The following HLCS variants were observed in gnomAD, a reference collection of about 807,000 sequenced individuals.
HLCS encodes the protein holocarboxylase synthetase, also known as biotin--protein ligase.
In HLCS, 53 loss-of-function variants were observed where a neutral mutation model predicts 75.0. The observed-to-expected ratio is 0.71, with a 90% CI of 0.57 to 0.89. The LOEUF (loss-of-function observed/expected upper bound fraction) is 0.89. HLCS is among the 40% of genes least tolerant of loss of function. The pLI is 0.00. For synonymous variants in HLCS, 431 were observed against 428.6 expected (o/e 1.01, Z -0.07); for missense variants, 966 against 1,074.0 (o/e 0.90, Z 1.41).
intron 3 of HLCS, among the ~76,000 whole-genome samples, 200 bp downstream of exon 3, chr21:36,938,632 G>A (rs570586123): frequency 3.9e-5 from 6 of 152,154 alleles, no homozygotes; most frequent in South Asian, 2.1e-4. Context: ...CCAAGTAGCC[G>A]GGACCACAGG....
intron 6 of HLCS, among the ~76,000 whole-genome samples, chr21:36,860,508 G>A (rs2063349939): frequency 6.6e-6 from 1 of 152,140 alleles, no homozygotes; most frequent in African/African-American, 2.4e-5. Context: ...ATTTGGAGAT[G>A]TTCAAATTTT....
intron 6 of HLCS, among the ~76,000 whole-genome samples, chr21:36,884,514 A>C (rs1447573627): frequency 6.6e-6 from 1 of 152,184 alleles, no homozygotes; most frequent in African/African-American, 2.4e-5. Context: ...ACTCCTTTAC[A>C]ATCTAAAGAC....
At chr21:36,829,524 T>C (rs932796974) in intron 6 of HLCS, among the ~76,000 whole-genome samples, 1 of 152,222 alleles carries the variant, frequency 6.6e-6, no homozygotes, top group Non-Finnish European at 1.5e-5. Flanking sequence ...AATATTGTCA[T>C]ATTACTAGAT....
Position 36,937,039 on chromosome 21 carries a change from T to A in HLCS, c.847A>T (p.Ser283Cys). 1 of 1,614,096 alleles carries A rather than the reference T, an allele frequency of 6.2e-7. No individual in the cohort carries two copies. Among genetic ancestry groups the A allele is most frequent in the Non-Finnish European group, 8.5e-7 (1 of 1,180,010 alleles). Residue 283 changes from serine (S) to cysteine (C), a missense_variant, in exon 4 of 11, where the codon AGC becomes TGC. Coordinates refer to ENST00000674895, the MANE Select transcript of HLCS (RefSeq NM_001352514.2). ...TCAGCAACACTCTCCAAACTGCTGC[T>A]ATAATCGTAGGGAAGGTCTGGAATG... ...ENIPDLPYDY[S>C]SSLESVADET... is the part of the protein sequence containing the mutation.
chr21:36,891,908 T>C (rs2064802189), intron 6 of HLCS, among the ~76,000 whole-genome samples: 1 of 152,096 alleles, frequency 6.6e-6, no homozygotes, highest in Non-Finnish European at 1.5e-5. Flanking sequence ...GCCAAAGATA[T>C]GATTAAGGGC....
At chr21:36,865,184 G>T (rs17228899) in intron 6 of HLCS, among the ~76,000 whole-genome samples, 23,175 of 151,780 alleles carry the variant, frequency 0.15, 1,911 homozygotes, top group Non-Finnish European at 0.18. Flanking sequence ...CTGCTCGGGC[G>T]GATCAATCTC....
intron 4 of HLCS, among the ~76,000 whole-genome samples, chr21:36,931,836 T>C (rs1361989907): frequency 6.6e-6 from 1 of 152,208 alleles, no homozygotes; most frequent in African/African-American, 2.4e-5. Context: ...CATTTTGTTA[T>C]GATGTTGATG....
intron 6 of HLCS, among the ~76,000 whole-genome samples, chr21:36,782,796 C>T (rs949580893): frequency 2.0e-5 from 3 of 151,978 alleles, no homozygotes; most frequent in African/African-American, 7.3e-5. Flanking sequence ...TAGTGAAACC[C>T]CATCTCTACT....
chr21:36,959,617 T>C (rs1409817935), intron 2 of HLCS, among the ~76,000 whole-genome samples: 1 of 152,164 alleles, frequency 6.6e-6, no homozygotes, highest in African/African-American at 2.4e-5. Flanking sequence ...GGCCCGCCCA[T>C]GGCTGCCCAT....
intron 5 of HLCS, among the ~76,000 whole-genome samples, chr21:36,921,574 G>A (rs991075921): frequency 5.3e-5 from 8 of 152,194 alleles, no homozygotes; most frequent in African/African-American, 1.9e-4. Flanking sequence ...AAAGCCTCAT[G>A]GTGGGTGAAA....
intron 6 of HLCS, among the ~76,000 whole-genome samples, chr21:36,773,622 C>T (rs1389970774): frequency 6.6e-6 from 1 of 152,198 alleles, no homozygotes; most frequent in African/African-American, 2.4e-5. Context: ...TCTTTACCCC[C>T]CAGTTTTCTC....
chr21:36,775,042 G>A (rs2060314307), intron 6 of HLCS, among the ~76,000 whole-genome samples: 1 of 151,986 alleles, frequency 6.6e-6, no homozygotes, highest in Admixed American at 6.6e-5. Context: ...TCAGTAGGAG[G>A]CAACACGGGA....
At chr21:36,788,360 C>T (rs1175454161) in intron 6 of HLCS, among the ~76,000 whole-genome samples, 2 of 152,206 alleles carry the variant, frequency 1.3e-5, no homozygotes, top group South Asian at 2.1e-4. Context: ...TGGTGGGGAC[C>T]TCAGTGGCTT....
chr21:36,901,381 T>C (rs941387358), intron 5 of HLCS, among the ~76,000 whole-genome samples: 2 of 152,178 alleles, frequency 1.3e-5, no homozygotes, highest in Non-Finnish European at 2.9e-5. Flanking sequence ...GGTGATCATT[T>C]AAAGCCAAGA....
chr21:36,966,676 C>T, upstream of HLCS: 1 of 947,590 alleles, frequency 1.1e-6, no homozygotes, highest in Non-Finnish European at 1.3e-6. Context: ...CCTTGCCCGC[C>T]CGCCCCAGCG....
rs1476725937 is a variant in HLCS at position 36,962,144 on chromosome 21, G to A, written c.222C>T (p.Ala74=). The change falls in exon 2 of 11, where the codon GCC becomes GCT. Residue 74 remains alanine, a synonymous_variant. Transcript: ENST00000674895. The part of the protein sequence containing the change: ...SQSIEDLNKW[A]LFLVSPFILE... ...GTATAAAAGGAGACACAAGAAATAG[G>A]GCCCACTTGTTCAAGTCTTCAATGG... is the stretch of plus-strand genomic sequence containing the variant. 2 of 1,288,522 alleles carry A rather than the reference G, an allele frequency of 1.6e-6. No homozygotes were observed. The highest frequency in any genetic ancestry group is 2.0e-6 in the Non-Finnish European group (2 of 987,984). 79.8% of individuals were successfully genotyped at this position (1,288,522 alleles called of 1,614,324 possible).
At chr21:36,780,295 T>G (rs2060487659) in intron 6 of HLCS, among the ~76,000 whole-genome samples, 1 of 152,078 alleles carries the variant, frequency 6.6e-6, no homozygotes, top group Admixed American at 6.5e-5. Context: ...CAGGCTGGAG[T>G]GCAGTGGCGC....
At chr21:36,906,677 C>CT (rs59652867) in intron 5 of HLCS, among the ~76,000 whole-genome samples, 1,926 of 131,336 alleles carry the variant, frequency 0.015, 33 homozygotes, top group East Asian at 0.044. Context: ...TCCCAGAAGG[C>CT]TTTTTTTTTT....
chr21:36,890,132 C>T (rs908795209), intron 6 of HLCS, among the ~76,000 whole-genome samples: 10 of 152,280 alleles, frequency 6.6e-5, no homozygotes, highest in Middle Eastern at 3.4e-3. Context: ...CTTCACCTTC[C>T]GCCACGATTG....
Sources: allele counts gnomAD v4.1 joint callset (sites outside exome capture counted in the v4.1 genomes callset), GRCh38; gene constraint gnomAD v4.1.1; transcripts MANE v1.5; gene names NCBI Gene and HGNC (gene_info 2026-07-23, HGNC 2026-07-21).